PACRG: variants seen among roughly 807,000 people sequenced by gnomAD.
PACRG encodes the protein parkin coregulated, also known as parkin coregulated gene protein.
In PACRG, 29 loss-of-function variants were observed where a neutral mutation model predicts 29.7. The ratio of observed to expected loss-of-function variants is 0.98; its 90% confidence interval spans 0.73 to 1.33. The LOEUF (loss-of-function observed/expected upper bound fraction) is 1.33. Ranked by LOEUF, PACRG falls within the 40% of genes most tolerant of loss-of-function variation. PACRG has a pLI of 0.00. For synonymous variants in PACRG, 116 were observed against 118.7 expected (o/e 0.98, Z 0.15); for missense variants, 279 against 316.2 (o/e 0.88, Z 0.89).
intron 2 of PACRG, among the ~76,000 whole-genome samples, chr6:162,842,448 G>A (rs1789878685): frequency 6.6e-6 from 1 of 151,916 alleles, no homozygotes; most frequent in Admixed American, 6.5e-5. Flanking sequence ...CCATTTGCTT[G>A]GTAGATCTTC....
chr6:163,083,364 G>A (rs989680785), intron 3 of PACRG, among the ~76,000 whole-genome samples: 14 of 152,088 alleles, frequency 9.2e-5, no homozygotes, highest in African/African-American at 3.1e-4. Context: ...CTCCCTCCCC[G>A]CTTCCAGTCT....
chr6:162,933,601 CTTT>C (rs71008119), intron 2 of PACRG, among the ~76,000 whole-genome samples: 9 of 74,596 alleles, frequency 1.2e-4, no homozygotes, highest in Admixed American at 1.5e-4. Flanking sequence ...CTTTCTGTAT[CTTT>C]TTTTTTTTTT....
chr6:163,290,304 A>G (rs1022955504), intron 4 of PACRG, among the ~76,000 whole-genome samples: 2 of 151,746 alleles, frequency 1.3e-5, no homozygotes, highest in African/African-American at 4.8e-5. Context: ...ACACACACAC[A>G]CACACACACA....
intron 2 of PACRG, among the ~76,000 whole-genome samples, chr6:162,921,717 G>A (rs558764403): frequency 6.6e-6 from 1 of 152,192 alleles, no homozygotes; most frequent in African/African-American, 2.4e-5. Context: ...ATTTCCACAC[G>A]TGTATACAAT....
At chr6:162,867,383 C>A (rs1256690808) in intron 2 of PACRG, among the ~76,000 whole-genome samples, 1 of 152,196 alleles carries the variant, frequency 6.6e-6, no homozygotes, top group Non-Finnish European at 1.5e-5. Context: ...CTCCACATCT[C>A]TGGTAACAGA....
intron 2 of PACRG, among the ~76,000 whole-genome samples, chr6:162,904,135 C>T (rs887646228): frequency 1.2e-4 from 18 of 152,214 alleles, no homozygotes; most frequent in African/African-American, 4.3e-4. Context: ...AGCTTTTCCT[C>T]TGAAGGTTTT....
intron 4 of PACRG, among the ~76,000 whole-genome samples, chr6:163,299,356 TG>T (rs940952815): frequency 6.6e-6 from 1 of 152,210 alleles, no homozygotes; most frequent in African/African-American, 2.4e-5. Flanking sequence ...GCTGTTGCTC[TG>T]GGGGTCCTTC....
At chr6:162,756,839 A>G (rs940177157) in intron 1 of PACRG, among the ~76,000 whole-genome samples, 8 of 152,240 alleles carry the variant, frequency 5.3e-5, no homozygotes, top group African/African-American at 1.9e-4. Flanking sequence ...TCACCATGAG[A>G]CTTACATAAA....
intron 2 of PACRG, among the ~76,000 whole-genome samples, chr6:163,005,384 G>A (rs966072582): frequency 2.0e-5 from 3 of 151,828 alleles, no homozygotes; most frequent in Non-Finnish European, 4.4e-5. Flanking sequence ...TCTTAAGGTT[G>A]AACCTGAGGT....
At chr6:163,249,304 C>T (rs986463637) in intron 4 of PACRG, among the ~76,000 whole-genome samples, 2 of 152,154 alleles carry the variant, frequency 1.3e-5, no homozygotes, top group African/African-American at 4.8e-5. Context: ...TTCAAAAGAT[C>T]TGAAAATACT....
intron 4 of PACRG, among the ~76,000 whole-genome samples, chr6:163,303,256 C>G (rs757631569): frequency 1.3e-5 from 2 of 151,970 alleles, no homozygotes; most frequent in African/African-American, 4.8e-5. Flanking sequence ...CCCAGGATGC[C>G]GGGATTGCAG....
Position 163,004,492 on chromosome 6 carries a change from G to T in PACRG, c.292-57658G>T, listed in dbSNP as rs185156731. Reference sequence around the variant, plus strand: ...GAAGGAGAAGTGCCAAGGGAAGGGGGAAGAGCGCCTTATAAAACCATCAGT... The same window carrying T: ...GAAGGAGAAGTGCCAAGGGAAGGGGTAAGAGCGCCTTATAAAACCATCAGT... On this transcript the variant is annotated intron_variant, in intron 2 of 4. Transcript: ENST00000366888. Among the ~76,000 whole-genome samples the T allele has an allele frequency of 2.6e-5, 4 of 151,632 alleles. No homozygotes were observed. The East Asian group carries it at 7.8e-4, about 30-fold the overall frequency.
At chr6:163,253,483 C>T (rs1782989530) in intron 4 of PACRG, among the ~76,000 whole-genome samples, 1 of 152,060 alleles carries the variant, frequency 6.6e-6, no homozygotes, top group South Asian at 2.1e-4. Context: ...GTCTAAATGT[C>T]TGTCTATCTA....
intron 4 of PACRG, among the ~76,000 whole-genome samples, chr6:163,293,172 G>A (rs537206311): frequency 2.0e-5 from 3 of 152,242 alleles, no homozygotes; most frequent in South Asian, 2.1e-4. Context: ...AGAGCTTAAC[G>A]ACACCTAGGT....
intron 4 of PACRG, chr6:163,312,725 T>C (rs1226720506): frequency 1.5e-5 from 6 of 404,036 alleles, no homozygotes; most frequent in Non-Finnish European, 2.9e-5. Flanking sequence ...CAAAATCTTA[T>C]CTCTTGTTTA....
chr6:162,794,246 A>T (rs1030295849), intron 1 of PACRG, among the ~76,000 whole-genome samples: 1 of 152,048 alleles, frequency 6.6e-6, no homozygotes, highest in East Asian at 1.9e-4. Context: ...TTTATTGGCT[A>T]TTCAGTTATA....
chr6:162,927,172 G>A (rs1287650879), intron 2 of PACRG, among the ~76,000 whole-genome samples: 1 of 152,074 alleles, frequency 6.6e-6, no homozygotes, highest in Non-Finnish European at 1.5e-5. Context: ...GCGAGGCTGT[G>A]GAGAAATAGA....
In PACRG at chr6:163,073,100, C is replaced by A. The variant is rs543037412; in HGVS notation, c.463+10779C>A. Among the ~76,000 whole-genome samples the A allele has an allele frequency of 5.9e-5, 9 of 152,054 alleles. No homozygotes were observed. In the East Asian group the frequency reaches 7.7e-4, roughly 13 times the overall value. On this transcript the variant is annotated intron_variant, in intron 3 of 4. Coordinates refer to ENST00000366888, the MANE Select transcript of PACRG (RefSeq NM_001080379.2). ...CATTCTTCACAGAAACAGAAAAAAA[C>A]AATTTTAAATTTTATATGAAACCGC...
In PACRG at chr6:163,238,188, T is replaced by C. The variant is rs948085555; in HGVS notation, c.614-76639T>C. ...TCTACAATTGAATTTATGGTCAAAG[T>C]GTCATATTCCTATTATTTAAGAATG... On this transcript the variant is annotated intron_variant, in intron 4 of 4. Coordinates refer to ENST00000366888, the MANE Select transcript of PACRG (RefSeq NM_001080379.2). Among the ~76,000 whole-genome samples, 6 of 152,222 alleles carry C rather than the reference T, an allele frequency of 3.9e-5. No homozygotes were observed. The East Asian group carries it at 1.2e-3, about 29-fold the overall frequency.
Sources: gnomAD v4.1 joint callset for allele counts (sites outside exome capture counted in the v4.1 genomes callset) on GRCh38, gnomAD v4.1.1 for gene constraint, MANE v1.5 for transcripts, NCBI Gene and HGNC (gene_info 2026-07-23, HGNC 2026-07-21) for gene names.